KLRD1: variants seen among roughly 807,000 people sequenced by gnomAD.
The protein encoded by KLRD1 is killer cell lectin like receptor D1.
In KLRD1, 21 loss-of-function variants were observed where a neutral mutation model predicts 22.6. The observed-to-expected ratio is 0.93, with a 90% CI of 0.66 to 1.34. The LOEUF is 1.34. KLRD1 is among the 40% of genes most tolerant of loss of function. The pLI, the probability that KLRD1 is intolerant of heterozygous loss-of-function variation, is 0.00. For synonymous variants in KLRD1, 59 were observed against 71.1 expected (o/e 0.83, Z 0.85); for missense variants, 183 against 208.6 (o/e 0.88, Z 0.76).
At chr12:10,305,361 G>A (rs79009756), upstream of KLRD1, among the ~76,000 whole-genome samples, 47 of 152,206 alleles carry the variant, frequency 3.1e-4, no homozygotes, top group East Asian at 7.9e-3. Flanking sequence ...GGTTTCTCTC[G>A]GCAGCACACT....
Position 10,315,149 on chromosome 12 carries a change from G to C in KLRD1, c.*356G>C, listed in dbSNP as rs75318538. 0.018 allele frequency: 4,812 copies of C among 264,528 alleles called. 189 individuals are homozygous for C. Among genetic ancestry groups the C allele is most frequent in the African/African-American group, 0.086 (3,655 of 42,446 alleles). 16.4% of individuals were successfully genotyped at this position (264,528 alleles called of 1,614,324 possible). The stretch of plus-strand genomic sequence containing the variant: ...TTTAATTCACATCAAATAAAATTTA[G>C]AAAATAAAATTTAACTCACACTGCC... On this transcript the variant is annotated 3_prime_UTR_variant, in exon 6 of 6. Coordinates refer to ENST00000336164, the MANE Select transcript of KLRD1 (RefSeq NM_002262.5).
At chr12:10,249,774 G>C (rs1182673651) in intron 1 of KLRD1, among the ~76,000 whole-genome samples, 1 of 152,170 alleles carries the variant, frequency 6.6e-6, no homozygotes, top group Non-Finnish European at 1.5e-5. Flanking sequence ...CAGTGAGAAG[G>C]ACTCCTGGAG....
rs12823111 is a variant in KLRD1 at position 10,293,173 on chromosome 12, T to C, written c.-100-14805T>C. ...AACTTTCTCCATATATATATACACA[T>C]ATACACATAATTCGCATGCTCACTG... On this transcript the variant is annotated intron_variant, in intron 1 of 5. Transcript: ENST00000544747. 1.2e-3 allele frequency among the ~76,000 whole-genome samples: 20 copies of C among 17,370 alleles called. 1 individual carries two copies. Among genetic ancestry groups the C allele is most frequent in the Non-Finnish European group, 1.8e-3 (11 of 6,274 alleles). The allele number at this position is 17,370 out of a possible 152,430, so 11.4% of individuals were successfully genotyped here.
At chr12:10,288,853 G>A (rs1024335307) in intron 1 of KLRD1, among the ~76,000 whole-genome samples, 2 of 152,148 alleles carry the variant, frequency 1.3e-5, no homozygotes, top group Non-Finnish European at 2.9e-5. Context: ...AATGTATAAA[G>A]TGTTTAATGC....
At chr12:10,289,959 G>A (rs1474049734) in intron 1 of KLRD1, among the ~76,000 whole-genome samples, 1 of 152,000 alleles carries the variant, frequency 6.6e-6, no homozygotes, top group Non-Finnish European at 1.5e-5. Context: ...TGTATTTTTA[G>A]TAGAGATGGG....
chr12:10,313,514 G>C lies in KLRD1; in HGVS notation c.419+1G>C. 2 of 1,536,108 alleles carry C rather than the reference G, an allele frequency of 1.3e-6. No individual in the cohort carries two copies. The highest frequency in any genetic ancestry group is 1.8e-6 in the Non-Finnish European group (2 of 1,131,638). On this transcript the variant is annotated splice_donor_variant, in intron 5 of 5. Coordinates refer to ENST00000336164, the MANE Select transcript of KLRD1 (RefSeq NM_002262.5). LOFTEE classifies it high-confidence loss of function. ...ATGGCTCTGCACTCTCCCAGTATCT[G>C]TAAGTTTCTGGCAATCATGGCGTTT...
intron 1 of KLRD1, among the ~76,000 whole-genome samples, chr12:10,243,983 C>T (rs758260605): frequency 1.3e-5 from 2 of 152,174 alleles, no homozygotes; most frequent in Non-Finnish European, 2.9e-5. Flanking sequence ...ACTGCTACAG[C>T]TTGCCTGTCT....
intron 1 of KLRD1, among the ~76,000 whole-genome samples, chr12:10,277,282 A>G (rs2137650224): frequency 6.6e-6 from 1 of 152,288 alleles, no homozygotes; most frequent in East Asian, 1.9e-4. Context: ...TTAGACCTTT[A>G]ATACATTCAC....
chr12:10,275,170 G>C (rs533988608), intron 1 of KLRD1, among the ~76,000 whole-genome samples: 1 of 152,252 alleles, frequency 6.6e-6, no homozygotes, highest in Admixed American at 6.5e-5. Context: ...GATTATAGGC[G>C]TGAGCCACCG....
chr12:10,322,467 T>A lies in KLRD1; in HGVS notation c.*7674T>A, dbSNP rs1950320497. On this transcript the variant is annotated 3_prime_UTR_variant, in exon 6 of 6. Coordinates refer to ENST00000336164, the MANE Select transcript of KLRD1 (RefSeq NM_002262.5). ...CTTCTGCCAGATTAAAATTTTTTGT[T>A]TTTTGGTTTTTTTAGTTCTCAATTA... 6.6e-6 allele frequency: 1 copy of A among 152,228 alleles called. No individual in the cohort carries two copies. The highest frequency in any genetic ancestry group is 2.4e-5 in the African/African-American group (1 of 41,440). The allele number at this position is 152,228 out of a possible 1,614,324, so 9.4% of individuals were successfully genotyped here.
chr12:10,250,468 T>C (rs1422054609), intron 1 of KLRD1, among the ~76,000 whole-genome samples: 1 of 151,984 alleles, frequency 6.6e-6, no homozygotes, highest in Non-Finnish European at 1.5e-5. Flanking sequence ...TTTTCTTTTC[T>C]TTTTTTGAGA....
At chr12:10,303,776 T>C (rs948464357), upstream of KLRD1, among the ~76,000 whole-genome samples, 7 of 152,264 alleles carry the variant, frequency 4.6e-5, 1 homozygote, top group Admixed American at 6.5e-5. Flanking sequence ...GCATATAAGA[T>C]AAGCAAAATA....
At chr12:10,274,288 AT>A (rs889648569) in intron 1 of KLRD1, among the ~76,000 whole-genome samples, 132 of 151,920 alleles carry the variant, frequency 8.7e-4, no homozygotes, top group African/African-American at 2.9e-3. Context: ...TCAAAAAAAA[AT>A]TTTTTTTTAA....
rs73252885 is a variant in KLRD1 at position 10,325,405 on chromosome 12, A to C, written c.*10612A>C. 6.6e-6 allele frequency: 1 copy of C among 152,054 alleles called. No homozygotes were observed. The highest frequency in any genetic ancestry group is 1.5e-5 in the Non-Finnish European group (1 of 67,998). The allele number at this position is 152,054 out of a possible 1,614,324, so 9.4% of individuals were successfully genotyped here. A position where few individuals can be genotyped will look rare whatever the true frequency, so the allele number is the denominator to read the frequency against. Reference sequence around the variant, plus strand: ...AACATAAGATCTATCCTCTTAACAAATTTTCAAGTCTACAGTACAGTATTA... The same window carrying C: ...AACATAAGATCTATCCTCTTAACAACTTTTCAAGTCTACAGTACAGTATTA... On this transcript the variant is annotated 3_prime_UTR_variant, in exon 6 of 6. Coordinates refer to ENST00000336164, the MANE Select transcript of KLRD1 (RefSeq NM_002262.5).
intron 4 of KLRD1, among the ~76,000 whole-genome samples, chr12:10,312,568 C>T (rs1349032834): frequency 3.3e-5 from 5 of 149,682 alleles, no homozygotes; most frequent in African/African-American, 1.2e-4. Context: ...TTAGTAGAGA[C>T]GCGGTTTCAC....
intron 1 of KLRD1, among the ~76,000 whole-genome samples, chr12:10,239,152 A>C (rs987162152): frequency 6.6e-6 from 1 of 152,260 alleles, no homozygotes; most frequent in African/African-American, 2.4e-5. Context: ...ATATTTTTAC[A>C]GTATCATGAG....
chr12:10,305,861 A>T (rs1439195968), upstream of KLRD1, among the ~76,000 whole-genome samples: 1 of 152,156 alleles, frequency 6.6e-6, no homozygotes, highest in Non-Finnish European at 1.5e-5. Context: ...CTACGTACAA[A>T]AATAAATAGA....
chr12:10,276,367 T>A (rs1949592156), intron 1 of KLRD1, among the ~76,000 whole-genome samples: 1 of 152,198 alleles, frequency 6.6e-6, no homozygotes, highest in Non-Finnish European at 1.5e-5. Flanking sequence ...TTTATAAATT[T>A]CTCTAGGGTA....
intron 1 of KLRD1, among the ~76,000 whole-genome samples, chr12:10,260,800 G>C (rs1176346278): frequency 1.3e-5 from 2 of 152,062 alleles, no homozygotes; most frequent in East Asian, 3.9e-4. Context: ...AAATTAGCCG[G>C]GTGTGGTGGT....
Sources: gnomAD v4.1 joint callset for allele counts (sites outside exome capture counted in the v4.1 genomes callset) on GRCh38, gnomAD v4.1.1 for gene constraint, MANE v1.5 for transcripts, NCBI Gene and HGNC (gene_info 2026-07-23, HGNC 2026-07-21) for gene names.